CHCHD3: variants seen among roughly 807,000 people sequenced by gnomAD.
CHCHD3 encodes the protein MICOS complex subunit MIC19.
Under a neutral mutation model 38.2 loss-of-function variants are expected in CHCHD3, and 20 were observed. The observed-to-expected ratio is 0.52, with a 90% CI of 0.37 to 0.76. CHCHD3 has a LOEUF of 0.76. CHCHD3 is among the 30% of genes least tolerant of loss of function. The pLI is 0.00. For synonymous variants in CHCHD3, 82 were observed against 100.0 expected (o/e 0.82, Z 1.07); for missense variants, 245 against 279.2 (o/e 0.88, Z 0.87).
intron 5 of CHCHD3, among the ~76,000 whole-genome samples, chr7:132,842,243 G>T (rs949114047): frequency 3.9e-5 from 6 of 152,114 alleles, no homozygotes; most frequent in Admixed American, 1.3e-4. Context: ...ATCCTGAAAA[G>T]GTTGGCTAAG....
At chr7:132,939,350 G>C (rs1810707704) in intron 4 of CHCHD3, among the ~76,000 whole-genome samples, 1 of 152,068 alleles carries the variant, frequency 6.6e-6, no homozygotes, top group Non-Finnish European at 1.5e-5. Flanking sequence ...CTCCATTCAT[G>C]GTAAGAGCCC....
intron 4 of CHCHD3, among the ~76,000 whole-genome samples, chr7:132,927,062 C>T (rs745714117): frequency 4.6e-5 from 7 of 152,186 alleles, no homozygotes; most frequent in African/African-American, 9.7e-5. Context: ...CTTTAGGGAG[C>T]ACAGGCTATT....
chr7:133,070,266 A>G (rs1416324416), intron 1 of CHCHD3, 37 bp from the exon 2 acceptor site: 2 of 1,564,888 alleles, frequency 1.3e-6, no homozygotes, highest in Non-Finnish European at 1.8e-6. Context: ...CAATTATAAA[A>G]CAGCAAGATC....
rs1814780931 is a variant in CHCHD3 at position 133,070,233 on chromosome 7, G to A, written c.82-4C>T. Reference sequence around the variant, plus strand: ...GATCAATCACATTTTCCGAAAGCTGGAAAAGCAACATCAAAATAAAATCAA... The same window carrying A: ...GATCAATCACATTTTCCGAAAGCTGAAAAAGCAACATCAAAATAAAATCAA... On this transcript the variant is annotated splice_region_variant and splice_polypyrimidine_tract_variant and intron_variant, in intron 1 of 7. Coordinates refer to ENST00000262570, the MANE Select transcript of CHCHD3 (RefSeq NM_017812.4). The A allele has an allele frequency of 6.2e-7, 1 of 1,610,656 alleles. No homozygotes were observed. The highest frequency in any genetic ancestry group is 8.5e-7 in the Non-Finnish European group (1 of 1,178,720).
At chr7:132,922,863 C>A (rs1022479160) in intron 4 of CHCHD3, among the ~76,000 whole-genome samples, 3 of 152,186 alleles carry the variant, frequency 2.0e-5, no homozygotes, top group African/African-American at 7.2e-5. Flanking sequence ...TAAATCACAA[C>A]CCTTGGCCAA....
intron 4 of CHCHD3, among the ~76,000 whole-genome samples, chr7:132,916,767 T>TG (rs1461271481): frequency 6.6e-6 from 1 of 152,032 alleles, no homozygotes; most frequent in East Asian, 1.9e-4. Context: ...TTGGTAGAGA[T>TG]GGGGTCTCTC....
chr7:133,057,967 C>T (rs544810664), intron 2 of CHCHD3, among the ~76,000 whole-genome samples: 20 of 152,218 alleles, frequency 1.3e-4, no homozygotes, highest in Admixed American at 7.2e-4. Flanking sequence ...ATTAAAGCAA[C>T]ATTTTTAGAA....
intron 6 of CHCHD3, among the ~76,000 whole-genome samples, chr7:132,836,124 T>C (rs1807774466): frequency 6.6e-6 from 1 of 152,096 alleles, no homozygotes. Context: ...GTCTGATTTT[T>C]TTTTTTTTAG....
intron 7 of CHCHD3, among the ~76,000 whole-genome samples, chr7:132,790,647 A>C (rs538239157): frequency 2.0e-5 from 3 of 152,336 alleles, no homozygotes; most frequent in African/African-American, 7.2e-5. Context: ...GATAATGATA[A>C]AGCAGCTTTC....
intron 4 of CHCHD3, among the ~76,000 whole-genome samples, chr7:132,908,090 AAATT>A (rs1379849396): frequency 1.3e-5 from 2 of 152,212 alleles, no homozygotes; most frequent in Non-Finnish European, 2.9e-5. Flanking sequence ...TTCTAACATA[AAATT>A]AATTAATTAA....
At chr7:132,976,843 C>T (rs535428034) in intron 3 of CHCHD3, among the ~76,000 whole-genome samples, 11 of 150,886 alleles carry the variant, frequency 7.3e-5, no homozygotes, top group African/African-American at 2.2e-4. Context: ...AAATCAACTA[C>T]AACAGAAAAA....
At chr7:133,034,850 G>A (rs549692154) in intron 2 of CHCHD3, 18 of 1,610,032 alleles carry the variant, frequency 1.1e-5, no homozygotes, top group African/African-American at 2.7e-5. Context: ...TGACACTGGC[G>A]AAGGCATTCT....
intron 4 of CHCHD3, among the ~76,000 whole-genome samples, chr7:132,942,179 G>A (rs1810784656): frequency 6.6e-6 from 1 of 152,110 alleles, no homozygotes; most frequent in African/African-American, 2.4e-5. Flanking sequence ...GAGCGGTGGA[G>A]AGAGGGAAGG....
At chr7:132,933,549 G>T (rs1407848616) in intron 4 of CHCHD3, among the ~76,000 whole-genome samples, 2 of 152,188 alleles carry the variant, frequency 1.3e-5, no homozygotes, top group African/African-American at 2.4e-5. Context: ...CAGAGATGCT[G>T]ATTTCACTGG....
chr7:132,936,859 G>T (rs1443369699), intron 4 of CHCHD3, among the ~76,000 whole-genome samples: 1 of 152,194 alleles, frequency 6.6e-6, no homozygotes, highest in African/African-American at 2.4e-5. Flanking sequence ...CCCATTGCTT[G>T]CAGTTAAACT....
chr7:132,907,408 GC>G (rs1299644320), intron 4 of CHCHD3, among the ~76,000 whole-genome samples: 1 of 152,134 alleles, frequency 6.6e-6, no homozygotes, highest in Non-Finnish European at 1.5e-5. Flanking sequence ...AGTAAATGCT[GC>G]CAGGAAAATA....
intron 2 of CHCHD3, among the ~76,000 whole-genome samples, chr7:133,025,223 C>T (rs188120322): frequency 7.2e-5 from 11 of 152,206 alleles, no homozygotes; most frequent in Admixed American, 2.0e-4. Context: ...GCTGATAACA[C>T]AGCTGGAGCT....
At chr7:133,006,426 C>T (rs1422219070) in intron 3 of CHCHD3, among the ~76,000 whole-genome samples, 3 of 151,794 alleles carry the variant, frequency 2.0e-5, no homozygotes, top group Admixed American at 1.3e-4. Flanking sequence ...GAGATCGCGC[C>T]GCTGCACTCC....
intron 2 of CHCHD3, chr7:133,034,703 T>A (rs12673323): frequency 2.9e-5 from 46 of 1,612,724 alleles, no homozygotes; most frequent in Admixed American, 6.7e-5. Flanking sequence ...GGGTCTCCTC[T>A]CTGCCAGGAT....
Sources: gnomAD v4.1 joint callset for allele counts (sites outside exome capture counted in the v4.1 genomes callset) on GRCh38, gnomAD v4.1.1 for gene constraint, MANE v1.5 for transcripts, NCBI Gene and HGNC (gene_info 2026-07-23, HGNC 2026-07-21) for gene names.